PTPRJ: variants seen among roughly 807,000 people sequenced by gnomAD.
PTPRJ encodes the protein protein tyrosine phosphatase receptor type J, also known as receptor-type tyrosine-protein phosphatase eta.
A neutral mutation model predicts 141.3 loss-of-function variants in PTPRJ; 129 were observed. The ratio of observed to expected loss-of-function variants is 0.91; its 90% CI spans 0.79 to 1.06. PTPRJ has a LOEUF of 1.06. PTPRJ is among the 50% of genes least tolerant of loss of function. PTPRJ has a pLI of 0.00. For synonymous variants in PTPRJ, 610 were observed against 640.5 expected, an observed-to-expected ratio of 0.95 and a Z score of 0.72; for missense variants, 1,601 against 1,679.7, an observed-to-expected ratio of 0.95 and a Z score of 0.82.
At chr11:48,040,210 C>T (rs1418532820) in intron 1 of PTPRJ, among the ~76,000 whole-genome samples, 2 of 152,222 alleles carry the variant, frequency 1.3e-5, no homozygotes, top group African/African-American at 4.8e-5. Context: ...ACCGAAGTTC[C>T]CAGATAGCAC....
intron 1 of PTPRJ, among the ~76,000 whole-genome samples, chr11:48,049,385 T>C (rs1331711951): frequency 6.6e-6 from 1 of 151,588 alleles, no homozygotes; most frequent in Admixed American, 6.6e-5. Flanking sequence ...ACATTTAGAA[T>C]TGGTACTGTT....
intron 1 of PTPRJ, among the ~76,000 whole-genome samples, chr11:48,104,933 A>C (rs1325843828): frequency 6.6e-6 from 1 of 152,010 alleles, no homozygotes; most frequent in Non-Finnish European, 1.5e-5. Flanking sequence ...CAGGACCTTA[A>C]CTTTTCCAAG....
At chr11:48,058,962 G>A (rs1854835967) in intron 1 of PTPRJ, among the ~76,000 whole-genome samples, 1 of 151,974 alleles carries the variant, frequency 6.6e-6, no homozygotes, top group Admixed American at 6.6e-5. Context: ...GTTCATGCCT[G>A]CCTCTGGGCT....
intron 1 of PTPRJ, among the ~76,000 whole-genome samples, chr11:48,085,890 C>T (rs1408322447): frequency 2.0e-5 from 3 of 152,248 alleles, no homozygotes; most frequent in South Asian, 2.1e-4. Flanking sequence ...TTTCCAGCTG[C>T]GGCGGGGCTT....
chr11:48,089,386 C>A (rs1855801655), intron 1 of PTPRJ, among the ~76,000 whole-genome samples: 1 of 151,932 alleles, frequency 6.6e-6, no homozygotes, highest in African/African-American at 2.4e-5. Context: ...CATAATGGTG[C>A]AGGCCTGTGA....
intron 8 of PTPRJ, among the ~76,000 whole-genome samples, chr11:48,134,644 A>G (rs1378366617): frequency 6.6e-6 from 1 of 152,032 alleles, no homozygotes; most frequent in Admixed American, 6.6e-5. Context: ...TTTGTCCCCT[A>G]CCTGCCCATT....
chr11:47,980,668 C>T lies in PTPRJ; in HGVS notation c.-245C>T. 1 of 987,166 alleles carries T rather than the reference C, an allele frequency of 1.0e-6. No homozygotes were observed. Among genetic ancestry groups the T allele is most frequent in the Non-Finnish European group, 1.2e-6 (1 of 832,326 alleles). 61.2% of individuals were successfully genotyped at this position (987,166 alleles called of 1,614,324 possible). A position where few individuals can be genotyped will look rare whatever the true frequency, so the allele number is the denominator to read the frequency against. ...CCGCTCGCTCCGCCCCGCGAAGCCC[C>T]TGCGCGCTCAGGGACGCGGCCCCCC... On this transcript the variant is annotated 5_prime_UTR_variant, in exon 1 of 25. Coordinates refer to ENST00000418331, the MANE Select transcript of PTPRJ (RefSeq NM_002843.4).
intron 23 of PTPRJ, 45 bp downstream of exon 23, chr11:48,163,663 A>G (rs1324769705): frequency 1.9e-6 from 3 of 1,564,492 alleles, no homozygotes; most frequent in Non-Finnish European, 2.6e-6. Flanking sequence ...AAATGTCATT[A>G]TATATTTATG....
Position 47,980,695 on chromosome 11 carries a change from G to C in PTPRJ, c.-218G>C. The C allele has an allele frequency of 1.0e-6, 1 of 991,888 alleles. No homozygotes were observed. The highest frequency in any genetic ancestry group is 1.2e-6 in the Non-Finnish European group (1 of 835,670). 61.4% of individuals were successfully genotyped at this position (991,888 alleles called of 1,614,324 possible). On this transcript the variant is annotated 5_prime_UTR_variant, in exon 1 of 25. Transcript: ENST00000418331. Reference sequence around the variant, plus strand: ...GCGCGCTCAGGGACGCGGCCCCCCCGCGGCAGCCGCGCTAGGCTCCGGCGT... The same window carrying C: ...GCGCGCTCAGGGACGCGGCCCCCCCCCGGCAGCCGCGCTAGGCTCCGGCGT...
At chr11:48,009,527 C>T (rs138927465) in intron 1 of PTPRJ, among the ~76,000 whole-genome samples, 210 of 152,022 alleles carry the variant, frequency 1.4e-3, no homozygotes, top group Middle Eastern at 0.01. Flanking sequence ...ACCTGGGAGG[C>T]GGAGGGTGTA....
rs924489303 is a variant in PTPRJ at position 48,113,872 on chromosome 11, C to A, written c.352+889C>A. 2.6e-5 allele frequency among the ~76,000 whole-genome samples: 4 copies of A among 152,044 alleles called. 1 individual carries two copies. In the South Asian group the frequency reaches 8.3e-4, roughly 32 times the overall value. ...GTATGGTAAATATTAATCAATATAA[C>A]CCATATAAACAAAAATTCTCCGGGA... On this transcript the variant is annotated intron_variant, in intron 3 of 24. Coordinates refer to ENST00000418331, the MANE Select transcript of PTPRJ (RefSeq NM_002843.4).
intron 1 of PTPRJ, among the ~76,000 whole-genome samples, chr11:48,043,118 T>C (rs1184327924): frequency 6.6e-6 from 1 of 152,234 alleles, no homozygotes; most frequent in Non-Finnish European, 1.5e-5. Flanking sequence ...GTGCAGACCA[T>C]GGTTTTCACA....
intron 1 of PTPRJ, among the ~76,000 whole-genome samples, chr11:48,028,767 G>A (rs1335184628): frequency 6.6e-6 from 1 of 152,124 alleles, no homozygotes; most frequent in African/African-American, 2.4e-5. Flanking sequence ...CTCCAGCCTG[G>A]GCAACAAGAG....
rs113736420 is a variant in PTPRJ, at chr11:48,063,918, ATGTGTGTG to A, written c.97-46120_97-46113del. ...ATTTGTTGTAGAAAGTTCTCAGCTTATGTGTGTGTGTGTGTGTGTGTGTGTGTTTTTAA... is the reference window on the plus strand; with the variant it reads ...ATTTGTTGTAGAAAGTTCTCAGCTTATGTGTGTGTGTGTGTGTGTTTTTAA... On this transcript the variant is annotated intron_variant, in intron 1 of 24. Coordinates refer to ENST00000418331, the MANE Select transcript of PTPRJ (RefSeq NM_002843.4). 8.1e-5 allele frequency among the ~76,000 whole-genome samples: 12 copies of A among 147,580 alleles called. No individual in the cohort carries two copies. The South Asian group carries it at 2.2e-3, about 27-fold the overall frequency.
At chr11:48,153,734 T>C (rs1857538075) in intron 18 of PTPRJ, 62 bp from the exon 19 acceptor site, 1 of 1,124,888 alleles carries the variant, frequency 8.9e-7, no homozygotes. Flanking sequence ...TCATATGCTA[T>C]GCTAAATATG....
chr11:48,142,136 G>T (rs575804112), intron 11 of PTPRJ, among the ~76,000 whole-genome samples: 4 of 152,112 alleles, frequency 2.6e-5, no homozygotes, highest in Non-Finnish European at 4.4e-5. Context: ...TGACATCCTT[G>T]TTGAAGATAA....
intron 21 of PTPRJ, among the ~76,000 whole-genome samples, chr11:48,159,234 C>T (rs1857702200): frequency 6.6e-6 from 1 of 151,364 alleles, no homozygotes; most frequent in Admixed American, 6.6e-5. Flanking sequence ...TCACATCTGC[C>T]CACCAACTTT....
intron 1 of PTPRJ, among the ~76,000 whole-genome samples, chr11:48,071,401 C>T (rs1320801709): frequency 1.3e-5 from 2 of 151,912 alleles, no homozygotes; most frequent in Non-Finnish European, 2.9e-5. Context: ...ACTGCACCCT[C>T]CGCCTCCCGG....
Position 47,980,856 on chromosome 11 carries a change from G to C in PTPRJ, c.-57G>C. 1.9e-6 allele frequency: 2 copies of C among 1,080,286 alleles called. No individual in the cohort carries two copies. The highest frequency in any genetic ancestry group is 2.2e-6 in the Non-Finnish European group (2 of 893,298). 66.9% of individuals were successfully genotyped at this position (1,080,286 alleles called of 1,614,324 possible). A position where few individuals can be genotyped will look rare whatever the true frequency, so the allele number is the denominator to read the frequency against. Reference sequence around the variant, plus strand: ...GGCGGCGACGACGGTGCCCGGGCTCGGGCGCACGGCGGGGCCCGATTCGCG... The same window carrying C: ...GGCGGCGACGACGGTGCCCGGGCTCCGGCGCACGGCGGGGCCCGATTCGCG... On this transcript the variant is annotated 5_prime_UTR_variant, in exon 1 of 25. Transcript: ENST00000418331.
Sources: gnomAD v4.1 joint callset for allele counts (sites outside exome capture counted in the v4.1 genomes callset) on GRCh38, gnomAD v4.1.1 for gene constraint, MANE v1.5 for transcripts, NCBI Gene and HGNC (gene_info 2026-07-23, HGNC 2026-07-21) for gene names.